Variants in SUPT3H observed in about 807,000 individuals in gnomAD.
SUPT3H encodes the protein transcription initiation protein SPT3 homolog.
A neutral mutation model predicts 44.3 loss-of-function variants in SUPT3H; 44 were observed. That is an observed-to-expected ratio of 0.99 (90% CI 0.78 to 1.28). The LOEUF is 1.28. SUPT3H is among the 50% of genes most tolerant of loss of function. The pLI, the probability that SUPT3H is intolerant of heterozygous loss-of-function variation, is 0.00. For synonymous variants in SUPT3H, 124 were observed against 125.6 expected, an observed-to-expected ratio of 0.99 and a Z score of 0.09; for missense variants, 380 against 387.1, an observed-to-expected ratio of 0.98 and a Z score of 0.15.
chr6:45,373,545 T>C (rs113081836), intron 1 of SUPT3H, among the ~76,000 whole-genome samples: 3 of 150,192 alleles, frequency 2.0e-5, no homozygotes, highest in Non-Finnish European at 3.0e-5. Flanking sequence ...AAAATATTAT[T>C]TGTGTGTGTG....
chr6:44,859,298 TG>T (rs1437526189), intron 10 of SUPT3H, among the ~76,000 whole-genome samples: 2 of 152,232 alleles, frequency 1.3e-5, no homozygotes, highest in Admixed American at 1.3e-4. Flanking sequence ...AAACAGAACT[TG>T]TTTTTTAAGG....
rs184619471 is a variant in SUPT3H at position 45,169,362 on chromosome 6, T to G, written c.102-63356A>C. 2.0e-5 allele frequency among the ~76,000 whole-genome samples: 3 copies of G among 152,256 alleles called. No individual in the cohort carries two copies. In the East Asian group the frequency reaches 5.8e-4, roughly 29 times the overall value. On this transcript the variant is annotated intron_variant, in intron 2 of 10. Coordinates refer to ENST00000371459, the MANE Select transcript of SUPT3H (RefSeq NM_003599.4). ...TCTAAATTATTAAAATTATTCTAAA[T>G]TATGAGGAATATTAAATTTATACTT... is the stretch of plus-strand genomic sequence containing the variant.
chr6:45,241,032 A>G (rs1373813287), intron 2 of SUPT3H, among the ~76,000 whole-genome samples: 3 of 152,168 alleles, frequency 2.0e-5, no homozygotes, highest in Non-Finnish European at 4.4e-5. Flanking sequence ...AAAGGATAAA[A>G]ACACTTGGAA....
chr6:45,315,970 T>TAGAC (rs1386780320), intron 2 of SUPT3H, among the ~76,000 whole-genome samples: 11 of 148,774 alleles, frequency 7.4e-5, no homozygotes, highest in African/African-American at 1.7e-4. Flanking sequence ...GATAGATAGA[T>TAGAC]AGATGATGGA....
intron 10 of SUPT3H, among the ~76,000 whole-genome samples, chr6:44,911,768 T>C (rs1258582855): frequency 6.6e-6 from 1 of 152,192 alleles, no homozygotes; most frequent in Non-Finnish European, 1.5e-5. Flanking sequence ...GTTACTGTTT[T>C]TCAGCTAACA....
chr6:45,100,541 T>TAAAA lies in SUPT3H; in HGVS notation c.186+5377_186+5380dup, dbSNP rs58120512. On this transcript the variant is annotated intron_variant, in intron 3 of 10. Coordinates refer to ENST00000371459, the MANE Select transcript of SUPT3H (RefSeq NM_003599.4). ...GGGCATCATAGCAAGACCCTGTACT[T>TAAAA]AAAAAAAAAAAAAAAAAAAAAAAGA... Among the ~76,000 whole-genome samples the TAAAA allele has an allele frequency of 1.0e-3, 35 of 33,446 alleles. 2 individuals are homozygous for TAAAA. Among genetic ancestry groups the TAAAA allele is most frequent in the African/African-American group, 3.9e-3 (22 of 5,652 alleles). 21.9% of individuals were successfully genotyped at this position (33,446 alleles called of 152,430 possible).
At chr6:45,291,829 G>T (rs28877051) in intron 2 of SUPT3H, among the ~76,000 whole-genome samples, 18,495 of 152,100 alleles carry the variant, frequency 0.12, 1,297 homozygotes, top group African/African-American at 0.19. Flanking sequence ...GTGTCCCCAA[G>T]GAAGAAGAGA....
At chr6:45,210,047 C>T (rs1763835121) in intron 2 of SUPT3H, among the ~76,000 whole-genome samples, 1 of 152,038 alleles carries the variant, frequency 6.6e-6, no homozygotes, top group African/African-American at 2.4e-5. Context: ...ATGATCAAGA[C>T]AGCATTTTAT....
Position 44,829,665 on chromosome 6 carries a change from AGAG to A in SUPT3H, c.*148_*150del, listed in dbSNP as rs1474608056. 9.0e-6 allele frequency: 7 copies of A among 774,986 alleles called. No individual in the cohort carries two copies. The highest frequency in any genetic ancestry group is 4.9e-5 in the Admixed American group (2 of 41,230). The allele number at this position is 774,986 out of a possible 1,614,324, so 48.0% of individuals were successfully genotyped here. On this transcript the variant is annotated 3_prime_UTR_variant, in exon 11 of 11. Transcript: ENST00000371459. ...AGACCGATGGTTGAGGGGCTGGAAAAGAGGAGGAGTCAGCAAGTTGAAAGTCAC... is the reference window on the plus strand; with the variant it reads ...AGACCGATGGTTGAGGGGCTGGAAAAGAGGAGTCAGCAAGTTGAAAGTCAC...
chr6:45,269,931 T>C (rs1052457154), intron 2 of SUPT3H, among the ~76,000 whole-genome samples: 3 of 152,144 alleles, frequency 2.0e-5, no homozygotes, highest in African/African-American at 7.2e-5. Context: ...CATTCCTCTA[T>C]CCTGACCCTA....
intron 2 of SUPT3H, among the ~76,000 whole-genome samples, chr6:45,279,584 C>A (rs939617444): frequency 6.6e-6 from 1 of 152,136 alleles, no homozygotes; most frequent in Non-Finnish European, 1.5e-5. Context: ...CCAGCTCACC[C>A]TTTGCCTTCC....
At chr6:45,241,435 TG>T (rs1475854260) in intron 2 of SUPT3H, among the ~76,000 whole-genome samples, 1 of 152,236 alleles carries the variant, frequency 6.6e-6, no homozygotes, top group African/African-American at 2.4e-5. Flanking sequence ...ATGTTTCTGC[TG>T]CAGGAAACTA....
intron 10 of SUPT3H, among the ~76,000 whole-genome samples, chr6:44,900,648 CCT>C (rs1437208208): frequency 7.9e-5 from 12 of 152,306 alleles, no homozygotes; most frequent in South Asian, 2.1e-4. Context: ...CTTAAATGCC[CCT>C]GTCTGACAGC....
intron 3 of SUPT3H, among the ~76,000 whole-genome samples, chr6:45,094,928 C>G (rs1036014638): frequency 6.6e-6 from 1 of 152,062 alleles, no homozygotes; most frequent in Admixed American, 6.6e-5. Context: ...CAACTCTGTA[C>G]GCATATGTGA....
chr6:44,962,649 TA>T (rs1213666968), intron 6 of SUPT3H, among the ~76,000 whole-genome samples: 5 of 152,110 alleles, frequency 3.3e-5, no homozygotes, highest in African/African-American at 1.2e-4. Flanking sequence ...AGCACATAAG[TA>T]CCATTTCTTC....
intron 6 of SUPT3H, among the ~76,000 whole-genome samples, chr6:44,980,884 C>T (rs1327468097): frequency 2.0e-5 from 3 of 152,190 alleles, no homozygotes; most frequent in Admixed American, 2.0e-4. Context: ...TGTCTAATAA[C>T]TGTCCTAATT....
At chr6:45,021,998 C>T (rs964245215) in intron 3 of SUPT3H, among the ~76,000 whole-genome samples, 1 of 151,904 alleles carries the variant, frequency 6.6e-6, no homozygotes, top group Non-Finnish European at 1.5e-5. Context: ...CAGGCATGAA[C>T]ATATTTTTTC....
intron 3 of SUPT3H, among the ~76,000 whole-genome samples, chr6:45,101,340 G>A (rs992083242): frequency 6.6e-6 from 1 of 152,210 alleles, no homozygotes; most frequent in African/African-American, 2.4e-5. Flanking sequence ...CAGCAGAATC[G>A]CTTGAACCCG....
Position 45,151,308 on chromosome 6 carries a change from A to G in SUPT3H, c.102-45302T>C, listed in dbSNP as rs556239619. On this transcript the variant is annotated intron_variant, in intron 2 of 10. Transcript: ENST00000371459. ...TTCAGTGTTGGGAAAAAACTATTCT[A>G]ATTGGCTAATTTCTACAAACACTAT... 2.3e-4 allele frequency among the ~76,000 whole-genome samples: 35 copies of G among 152,228 alleles called. 1 individual carries two copies. Among genetic ancestry groups the G allele is most frequent in the Admixed American group, 1.0e-3 (16 of 15,266 alleles).
Sources: gnomAD v4.1 joint callset for allele counts (sites outside exome capture counted in the v4.1 genomes callset) on GRCh38, gnomAD v4.1.1 for gene constraint, MANE v1.5 for transcripts, NCBI Gene and HGNC (gene_info 2026-07-23, HGNC 2026-07-21) for gene names.